MED13L: variants seen among roughly 807,000 people sequenced by gnomAD.
MED13L encodes mediator of RNA polymerase II transcription subunit 13-like.
A neutral mutation model predicts 220.9 loss-of-function variants in MED13L; 7 were observed. That is an observed-to-expected ratio of 0.03 (90% confidence interval 0.02 to 0.06). The LOEUF (loss-of-function observed/expected upper bound fraction) is 0.06. MED13L is among the 10% of genes least tolerant of loss of function. The probability of loss-of-function intolerance (pLI) is 1.00; values close to 1 mark genes in which losing one functional copy is unlikely to be tolerated. For synonymous variants in MED13L, 1,011 were observed against 1,015.2 expected (o/e 1.00, Z 0.08); for missense variants, 1,965 against 2,760.5 (o/e 0.71, Z 6.46).
intron 9 of MED13L, among the ~76,000 whole-genome samples, chr12:116,012,421 G>A (rs754642798): frequency 6.6e-6 from 1 of 152,150 alleles, no homozygotes; most frequent in African/African-American, 2.4e-5. Flanking sequence ...ATTATCTACA[G>A]AAAGTCTCTT....
chr12:116,143,715 T>C (rs948148575), intron 2 of MED13L, among the ~76,000 whole-genome samples: 22 of 152,310 alleles, frequency 1.4e-4, no homozygotes, highest in East Asian at 3.9e-4. Context: ...TACATGTCAC[T>C]ATGAAAACAA....
chr12:116,129,432 C>T (rs1292542834), intron 2 of MED13L, among the ~76,000 whole-genome samples: 22 of 152,150 alleles, frequency 1.4e-4, no homozygotes, highest in Admixed American at 1.4e-3. Flanking sequence ...TTCAATTAGT[C>T]ATACACTGTC....
chr12:116,208,759 A>C lies in MED13L; in HGVS notation c.310+28709T>G, dbSNP rs554860234. 8.5e-5 allele frequency among the ~76,000 whole-genome samples: 13 copies of C among 152,342 alleles called. No individual in the cohort carries two copies. In the South Asian group the frequency reaches 2.7e-3, roughly 32 times the overall value. On this transcript the variant is annotated intron_variant, in intron 2 of 30. Coordinates refer to ENST00000281928, the MANE Select transcript of MED13L (RefSeq NM_015335.5). ...GGCAGGAACACTGCTTGAGGCTGGG[A>C]GTTCAAAACCAGCCTTGGCAACATA...
intron 4 of MED13L, among the ~76,000 whole-genome samples, chr12:116,039,054 A>G (rs1462989650): frequency 6.6e-6 from 1 of 152,216 alleles, no homozygotes; most frequent in Non-Finnish European, 1.5e-5. Flanking sequence ...TAAAGCTATA[A>G]TATTTATTTA....
At chr12:116,227,435 G>A (rs536944319) in intron 2 of MED13L, among the ~76,000 whole-genome samples, 73 of 152,226 alleles carry the variant, frequency 4.8e-4, no homozygotes, top group African/African-American at 1.6e-3. Context: ...ACCCTGTGTC[G>A]AGCAAGCCTA....
intron 2 of MED13L, among the ~76,000 whole-genome samples, chr12:116,222,782 A>G (rs2138398933): frequency 6.6e-6 from 1 of 152,346 alleles, no homozygotes; most frequent in South Asian, 2.1e-4. Flanking sequence ...CTTGCAATCT[A>G]CTAACTTGCT....
intron 23 of MED13L, 71 bp from the exon 24 acceptor site, chr12:115,975,809 G>C: frequency 2.8e-6 from 4 of 1,412,306 alleles, no homozygotes; most frequent in Non-Finnish European, 3.9e-6. Context: ...AATCCAGAAC[G>C]ACACTGAGGG....
intron 4 of MED13L, among the ~76,000 whole-genome samples, chr12:116,039,536 C>T (rs1881398455): frequency 6.6e-6 from 1 of 152,182 alleles, no homozygotes; most frequent in South Asian, 2.1e-4. Context: ...ATCCCAACTC[C>T]TCTATCCCTA....
intron 4 of MED13L, among the ~76,000 whole-genome samples, chr12:116,033,691 C>T (rs2137509777): frequency 6.6e-6 from 1 of 152,156 alleles, no homozygotes; most frequent in South Asian, 2.1e-4. Flanking sequence ...TTGGAGCTTC[C>T]CTAGATATCA....
chr12:116,068,453 T>C (rs905236911), intron 4 of MED13L, among the ~76,000 whole-genome samples: 1 of 152,234 alleles, frequency 6.6e-6, no homozygotes, highest in Non-Finnish European at 1.5e-5. Flanking sequence ...ACACTCCTGA[T>C]ACACTGTTTA....
intron 2 of MED13L, among the ~76,000 whole-genome samples, chr12:116,136,755 T>A (rs1269451019): frequency 6.6e-6 from 1 of 152,210 alleles, no homozygotes; most frequent in Non-Finnish European, 1.5e-5. Context: ...TATAAAACCA[T>A]TTCAGTTTTA....
intron 2 of MED13L, among the ~76,000 whole-genome samples, chr12:116,179,184 A>G (rs1880303071): frequency 1.3e-5 from 2 of 150,916 alleles, no homozygotes; most frequent in African/African-American, 4.9e-5. Flanking sequence ...CCACAAAATA[A>G]TTTAAAATTT....
intron 1 of MED13L, among the ~76,000 whole-genome samples, chr12:116,264,419 ATGAT>A: frequency 6.6e-6 from 1 of 152,362 alleles, no homozygotes. Flanking sequence ...CAAAAATAAA[ATGAT>A]TGCTGCAATC....
At chr12:116,238,919 A>AC (rs1215958880) in intron 1 of MED13L, among the ~76,000 whole-genome samples, 4 of 152,088 alleles carry the variant, frequency 2.6e-5, no homozygotes, top group African/African-American at 9.7e-5. Flanking sequence ...ACATGCTGAA[A>AC]CCCCGTCTCC....
intron 23 of MED13L, 49 bp from the exon 24 acceptor site, chr12:115,975,787 T>C (rs1565988013): frequency 1.3e-6 from 2 of 1,566,090 alleles, no homozygotes; most frequent in African/African-American, 1.4e-5. Context: ...TACAACTTAA[T>C]GATTACAACA....
chr12:116,252,608 GAAATT>G (rs1662754496), intron 1 of MED13L, among the ~76,000 whole-genome samples: 1 of 151,728 alleles, frequency 6.6e-6, no homozygotes, highest in East Asian at 1.9e-4. Context: ...AAAGGAAGAA[GAAATT>G]AAACCAAAAG....
chr12:115,983,335 T>C lies in MED13L; in HGVS notation c.4737A>G (p.Ala1579=). The change falls in exon 21 of 31, where the codon GCA becomes GCG. Residue 1579 remains alanine, a synonymous_variant. Transcript: ENST00000281928. ...AGACCGGTGGCACAGAGGAACCAGA[T>C]GCAGAACTACTTGCTGCAGGATTTG... ...SSTNPAASSS[A]SGSSVPPVSS... is the part of the protein sequence containing the mutation. The C allele has an allele frequency of 6.2e-7, 1 of 1,614,192 alleles. No homozygotes were observed. Among genetic ancestry groups the C allele is most frequent in the Non-Finnish European group, 8.5e-7 (1 of 1,180,022 alleles).
At chr12:116,230,529 A>G in intron 2 of MED13L, 1 of 969,408 alleles carries the variant, frequency 1.0e-6, no homozygotes, top group Non-Finnish European at 1.2e-6. Context: ...CCAGAATTCC[A>G]TACCTGAAAA....
chr12:116,100,664 A>C (rs1872998264), intron 3 of MED13L, among the ~76,000 whole-genome samples: 1 of 151,634 alleles, frequency 6.6e-6, no homozygotes, highest in South Asian at 2.1e-4. Flanking sequence ...TAATCCCAGC[A>C]CTCTGGGGAG....
Sources: gnomAD v4.1 joint callset for allele counts (sites outside exome capture counted in the v4.1 genomes callset) on GRCh38, gnomAD v4.1.1 for gene constraint, MANE v1.5 for transcripts, NCBI Gene and HGNC (gene_info 2026-07-23, HGNC 2026-07-21) for gene names.